Variants in PHKB observed in about 807,000 individuals in gnomAD.
PHKB encodes the protein phosphorylase kinase regulatory subunit beta, also known as phosphorylase b kinase regulatory subunit beta.
A neutral mutation model predicts 152.1 loss-of-function variants in PHKB; 122 were observed. The observed-to-expected ratio is 0.80, with a 90% CI of 0.69 to 0.93. The LOEUF is 0.93. Ranked by LOEUF, PHKB falls within the 40% of genes least tolerant of loss-of-function variation. The pLI, the probability that PHKB is intolerant of heterozygous loss-of-function variation, is 0.00. For synonymous variants in PHKB, 436 were observed against 464.9 expected (o/e 0.94, Z 0.80); for missense variants, 1,304 against 1,328.4 (o/e 0.98, Z 0.29).
chr16:47,519,406 G>T lies in PHKB; in HGVS notation c.594+3805G>T, dbSNP rs1287227156. Among the ~76,000 whole-genome samples, 3 of 152,186 alleles carry T rather than the reference G, an allele frequency of 2.0e-5. No individual in the cohort carries two copies. In the East Asian group the frequency reaches 5.8e-4, roughly 29 times the overall value. ...CTAAGTTGGGTGGTGCTGGCTTGGG[G>T]TCTCTCATGAAGCTGCACTTAAGAT... On this transcript the variant is annotated intron_variant, in intron 6 of 30. Transcript: ENST00000323584.
At chr16:47,647,349 C>G (rs1003508825) in intron 16 of PHKB, among the ~76,000 whole-genome samples, 2 of 152,092 alleles carry the variant, frequency 1.3e-5, no homozygotes, top group African/African-American at 4.8e-5. Flanking sequence ...GTCTTGAACT[C>G]CTGATCTCAG....
At chr16:47,500,177 A>G (rs1365568142) in intron 3 of PHKB, among the ~76,000 whole-genome samples, 1 of 151,828 alleles carries the variant, frequency 6.6e-6, no homozygotes, top group Non-Finnish European at 1.5e-5. Flanking sequence ...AGCTGGGATT[A>G]CAGGCATGCA....
chr16:47,515,212 T>G (rs1300820080), intron 5 of PHKB, among the ~76,000 whole-genome samples: 1 of 152,248 alleles, frequency 6.6e-6, no homozygotes, highest in Non-Finnish European at 1.5e-5. Context: ...TGTTCCTATT[T>G]TTTTCAAAGT....
chr16:47,560,759 A>G (rs1466937357), intron 7 of PHKB, among the ~76,000 whole-genome samples: 2 of 152,210 alleles, frequency 1.3e-5, no homozygotes, highest in Non-Finnish European at 2.9e-5. Context: ...AAAAATTAAT[A>G]TGAAAGAGAT....
intron 14 of PHKB, among the ~76,000 whole-genome samples, chr16:47,625,938 CATCGTATTTAAT>C (rs1457626880): frequency 6.6e-6 from 1 of 152,154 alleles, no homozygotes; most frequent in Non-Finnish European, 1.5e-5. Flanking sequence ...CCATTAAGAG[CATCGTATTTAAT>C]ATCCTACTGA....
At chr16:47,676,229 C>T (rs1973730248) in intron 26 of PHKB, 1 of 152,026 alleles carries the variant, frequency 6.6e-6, no homozygotes, top group Admixed American at 6.6e-5. Context: ...CTGAGTTAGT[C>T]CTTTGTGTAT....
Position 47,661,879 on chromosome 16 carries a change from C to T in PHKB, c.2278+79C>T, listed in dbSNP as rs182491986. ...ATATATCAAATATGCATAAGCTATCCACTAAAATGTTACAAGTTATTTCCC... is the reference window on the plus strand; with the variant it reads ...ATATATCAAATATGCATAAGCTATCTACTAAAATGTTACAAGTTATTTCCC... On this transcript the variant is annotated intron_variant, in intron 23 of 30. Coordinates refer to ENST00000323584, the MANE Select transcript of PHKB (RefSeq NM_000293.3). 24 of 898,562 alleles carry T rather than the reference C, an allele frequency of 2.7e-5. No homozygotes were observed. The African/African-American group carries it at 3.3e-4, about 12-fold the overall frequency. The allele number at this position is 898,562 out of a possible 1,614,324, so 55.7% of individuals were successfully genotyped here.
intron 26 of PHKB, among the ~76,000 whole-genome samples, chr16:47,684,258 G>T (rs944209082): frequency 6.6e-5 from 10 of 151,848 alleles, no homozygotes; most frequent in Non-Finnish European, 1.3e-4. Context: ...GCTTGAGGTG[G>T]ACATTGCAGT....
chr16:47,543,705 A>G (rs1971105387), intron 6 of PHKB, among the ~76,000 whole-genome samples: 2 of 152,140 alleles, frequency 1.3e-5, no homozygotes, highest in Non-Finnish European at 1.5e-5. Flanking sequence ...TCAGCTATTC[A>G]GCTTCTTCCT....
intron 16 of PHKB, among the ~76,000 whole-genome samples, chr16:47,644,415 C>T (rs1419931994): frequency 6.6e-6 from 1 of 152,156 alleles, no homozygotes; most frequent in Non-Finnish European, 1.5e-5. Flanking sequence ...CCAACTTGGG[C>T]TGCTGTTCTA....
intron 13 of PHKB, among the ~76,000 whole-genome samples, chr16:47,605,296 G>A (rs1281308717): frequency 6.6e-6 from 1 of 152,198 alleles, no homozygotes; most frequent in Non-Finnish European, 1.5e-5. Context: ...AGCACGTGGT[G>A]TAAGTGGGAA....
At chr16:47,547,342 C>T in intron 6 of PHKB, 91 bp from the exon 7 acceptor site, 1 of 774,950 alleles carries the variant, frequency 1.3e-6, no homozygotes, top group South Asian at 1.4e-5. Flanking sequence ...CTCAGCCTCC[C>T]AAATTGCTGG....
At chr16:47,477,609 TA>T (rs1268414793) in intron 1 of PHKB, among the ~76,000 whole-genome samples, 1 of 152,146 alleles carries the variant, frequency 6.6e-6, no homozygotes, top group Non-Finnish European at 1.5e-5. Context: ...GTAATAAATA[TA>T]ACAAAATACT....
intron 25 of PHKB, 132 bp from the exon 26 acceptor site, chr16:47,669,083 A>G: frequency 1.5e-6 from 1 of 679,534 alleles, no homozygotes; most frequent in Non-Finnish European, 2.6e-6. Flanking sequence ...TACCAGGAAC[A>G]GTTATTCTAC....
At chr16:47,615,911 A>G (rs1972506330) in intron 14 of PHKB, among the ~76,000 whole-genome samples, 1 of 152,258 alleles carries the variant, frequency 6.6e-6, no homozygotes, top group African/African-American at 2.4e-5. Context: ...TTATTGAAGT[A>G]TAATTTGCAT....
At position 47,491,757 on chromosome 16, in the gene PHKB, G is replaced by A. The variant is rs540227784; in HGVS notation, c.77-5642G>A. ...AGATAACACAATGCAAAACAGAACA[G>A]AACCCTAAATTCTGAGAGGGATTTA... On this transcript the variant is annotated intron_variant, in intron 1 of 30. Coordinates refer to ENST00000323584, the MANE Select transcript of PHKB (RefSeq NM_000293.3). Among the ~76,000 whole-genome samples, 289 of 152,242 alleles carry A rather than the reference G, an allele frequency of 1.9e-3. 4 individuals carry two copies. The highest frequency in any genetic ancestry group is 3.0e-3 in the Non-Finnish European group (207 of 68,022).
intron 1 of PHKB, among the ~76,000 whole-genome samples, chr16:47,482,328 CA>C (rs951751481): frequency 2.6e-5 from 4 of 152,242 alleles, no homozygotes; most frequent in Admixed American, 6.5e-5. Flanking sequence ...TCATTACCTA[CA>C]AACTCTGTAC....
Position 47,519,497 on chromosome 16 carries a change from C to T in PHKB, c.594+3896C>T, listed in dbSNP as rs533439864. Among the ~76,000 whole-genome samples, 4 of 152,272 alleles carry T rather than the reference C, an allele frequency of 2.6e-5. 1 individual carries two copies. The East Asian group carries it at 7.7e-4, about 29-fold the overall frequency. ...TGGAAGACCCACTTCTGAGATGGCTCAGTCATATGGCTGTTGGCAGGAAGC... is the reference window on the plus strand; with the variant it reads ...TGGAAGACCCACTTCTGAGATGGCTTAGTCATATGGCTGTTGGCAGGAAGC... On this transcript the variant is annotated intron_variant, in intron 6 of 30. Transcript: ENST00000323584.
At chr16:47,521,068 T>C (rs565811991) in intron 6 of PHKB, among the ~76,000 whole-genome samples, 97 of 152,336 alleles carry the variant, frequency 6.4e-4, no homozygotes, top group South Asian at 1.7e-3. Flanking sequence ...TGCTATCATA[T>C]AGAAATTCAT....
Sources: gnomAD v4.1 joint callset for allele counts (sites outside exome capture counted in the v4.1 genomes callset) on GRCh38, gnomAD v4.1.1 for gene constraint, MANE v1.5 for transcripts, NCBI Gene and HGNC (gene_info 2026-07-23, HGNC 2026-07-21) for gene names.